TEP1: variants seen among roughly 807,000 people sequenced by gnomAD.
The protein encoded by TEP1 is telomerase associated protein 1, also known as telomerase protein component 1.
A neutral mutation model predicts 306.3 loss-of-function variants in TEP1; 241 were observed. The ratio of observed to expected loss-of-function variants is 0.79; its 90% confidence interval spans 0.71 to 0.88. The LOEUF is 0.88. TEP1 is among the 40% of genes least tolerant of loss of function. TEP1 has a pLI of 0.00. For synonymous variants in TEP1, 1,289 were observed against 1,305.5 expected (o/e 0.99, Z 0.27); for missense variants, 3,051 against 3,276.1 (o/e 0.93, Z 1.68).
At chr14:20,410,018 CTCAAAAAAAAAAAAA>C (rs1879520614) in intron 1 of TEP1, among the ~76,000 whole-genome samples, 1 of 28,262 alleles carries the variant, frequency 3.5e-5, no homozygotes, top group Non-Finnish European at 5.9e-5. Flanking sequence ...AAGACTCTGT[CTCAAAAAAAAAAAAA>C]AAAAAAAAAA....
In TEP1 at chr14:20,379,080, C is replaced by T. The variant is rs746025487; in HGVS notation, c.5153G>A (p.Cys1718Tyr). The T allele has an allele frequency of 1.3e-5, 21 of 1,614,174 alleles. No individual in the cohort carries two copies. In the South Asian group the frequency reaches 2.3e-4, roughly 18 times the overall value. ...GAACAAACAAGCAGAGATTCCATCA[C>T]AGCCACTCACCACAGACTTCTCCTC... ...WQEEKSVVSG[C>Y]DGISACLFLS... Residue 1718 changes from cysteine (C) to tyrosine (Y), a missense_variant, in exon 36 of 55, where the codon TGT becomes TAT. By Grantham distance (194) the Cys-to-Tyr change is radical. This residue lies in a region of TEP1 where 1,540 missense variants were observed against 1,705.9 expected (regional missense o/e 0.90). Transcript: ENST00000262715.
rs1876767684 is a variant in TEP1 at position 20,383,335 on chromosome 14, T to C, written c.3886A>G (p.Ser1296Gly). The change falls in exon 27 of 55, where the codon AGT (serine) becomes GGT (glycine). Residue 1296 changes from serine (S) to glycine (G), a missense_variant. Around this residue, in one of 3 missense-constraint regions of TEP1, gnomAD observed 1,540 missense variants for 1,705.9 expected, o/e 0.90. Transcript: ENST00000262715. ...KLPRCVHLVLSVSSDAGLGET... is the reference protein window; with the variant it reads ...KLPRCVHLVLGVSSDAGLGET... ...CCTAGGCCTGCATCACTAGACACACTCAGCACCAGGTGTACACACTGTGAT... is the reference window on the plus strand; with the variant it reads ...CCTAGGCCTGCATCACTAGACACACCCAGCACCAGGTGTACACACTGTGAT... 2 of 1,607,456 alleles carry C rather than the reference T, an allele frequency of 1.2e-6. No individual in the cohort carries two copies. The highest frequency in any genetic ancestry group is 3.4e-5 in the Admixed American group (2 of 59,006).
Position 20,381,484 on chromosome 14 carries a change from A to T in TEP1, c.4558+69T>A. ...TGAGCTGGCCAGCAGATGGGAGCAC[A>T]GTGGGTGGTCCTGGCCTCCAGGCCC... On this transcript the variant is annotated intron_variant, in intron 31 of 54. Coordinates refer to ENST00000262715, the MANE Select transcript of TEP1 (RefSeq NM_007110.5). The surrounding 1 kb of genome is among the most constrained non-coding windows in gnomAD (Gnocchi z 4.0). 1 of 1,612,668 alleles carries T rather than the reference A, an allele frequency of 6.2e-7. No individual in the cohort carries two copies. The highest frequency in any genetic ancestry group is 8.5e-7 in the Non-Finnish European group (1 of 1,179,830).
chr14:20,381,445 C>G lies in TEP1; in HGVS notation c.4559-44G>C. ...AGAAAGGCTCAGCCCTGCATCATTCCCAAGGGCAGTAGGTGAGCTGGCCAG... is the reference window on the plus strand; with the variant it reads ...AGAAAGGCTCAGCCCTGCATCATTCGCAAGGGCAGTAGGTGAGCTGGCCAG... On this transcript the variant is annotated intron_variant, in intron 31 of 54. Transcript: ENST00000262715. The surrounding 1 kb of genome is among the most constrained non-coding windows in gnomAD (Gnocchi z 4.0). The G allele has an allele frequency of 6.2e-7, 1 of 1,613,180 alleles. No individual in the cohort carries two copies. The highest frequency in any genetic ancestry group is 8.5e-7 in the Non-Finnish European group (1 of 1,179,758).
At chr14:20,403,108 G>A (rs1372759560) in intron 7 of TEP1, among the ~76,000 whole-genome samples, 3 of 138,268 alleles carry the variant, frequency 2.2e-5, no homozygotes, top group African/African-American at 8.2e-5. Flanking sequence ...AGTGAGCCAA[G>A]ACCGTGCCAC....
intron 43 of TEP1, 69 bp from the exon 44 acceptor site, chr14:20,374,605 T>C (rs1885063924): frequency 1.7e-6 from 2 of 1,202,054 alleles, no homozygotes; most frequent in African/African-American, 1.5e-5. Flanking sequence ...ATCTGTAGTG[T>C]AGGGTGGAAG....
intron 1 of TEP1, among the ~76,000 whole-genome samples, chr14:20,410,884 C>A (rs1879635711): frequency 6.9e-6 from 1 of 145,598 alleles, no homozygotes; most frequent in South Asian, 2.2e-4. Context: ...TGCAGTCGCA[C>A]AGTCTCAGCT....
chr14:20,374,363 A>T, intron 44 of TEP1, 66 bp downstream of exon 44: 1 of 1,127,786 alleles, frequency 8.9e-7, no homozygotes, highest in South Asian at 1.4e-5. Flanking sequence ...TACTCCATGC[A>T]CCGTCTCCCA....
intron 35 of TEP1, 140 bp from the exon 36 acceptor site, chr14:20,379,245 C>T (rs1294799199): frequency 5.2e-6 from 6 of 1,150,222 alleles, no homozygotes; most frequent in South Asian, 3.1e-5. Context: ...GTCAAGCACA[C>T]GTTCAAGTGG....
In TEP1 at chr14:20,373,308, T is replaced by C. The variant is rs753141989; in HGVS notation, c.6776A>G (p.Asp2259Gly). ...AACCTGCCAGAGCCGTACAGAACCA[T>C]CCTCAGAGGCGGTCAGCATGAGGCC... ...TSGLMLTASE[D>G]GSVRLWQVPK... The change falls in exon 47 of 55, where the codon GAT becomes GGT. Residue 2259 changes from aspartate to glycine, a missense_variant. Physicochemically the swap from Asp to Gly is moderately conservative, Grantham distance 94. Coordinates refer to ENST00000262715, the MANE Select transcript of TEP1 (RefSeq NM_007110.5). The C allele has an allele frequency of 1.7e-5, 27 of 1,613,970 alleles. No individual in the cohort carries two copies. Among genetic ancestry groups the C allele is most frequent in the Non-Finnish European group, 1.8e-5 (21 of 1,180,036 alleles).
rs1884517487 is a variant in TEP1 at position 20,367,183 on chromosome 14, G to T, written c.*1254C>A. On this transcript the variant is annotated 3_prime_UTR_variant, in exon 55 of 55. Coordinates refer to ENST00000262715, the MANE Select transcript of TEP1 (RefSeq NM_007110.5). ...GTTTGAGACCCACCTGGCCAACATG[G>T]TGAAACTTCGTCTCTACTGAAATAC... The T allele has an allele frequency of 6.6e-6, 1 of 152,192 alleles. No homozygotes were observed. Among genetic ancestry groups the T allele is most frequent in the Admixed American group, 6.5e-5 (1 of 15,268 alleles). The allele number at this position is 152,192 out of a possible 1,614,324, so 9.4% of individuals were successfully genotyped here. A position where few individuals can be genotyped will look rare whatever the true frequency, so the allele number is the denominator to read the frequency against.
intron 17 of TEP1, 33 bp from the exon 18 acceptor site, chr14:20,388,096 A>C: frequency 6.2e-7 from 1 of 1,611,682 alleles, no homozygotes; most frequent in South Asian, 1.1e-5. Context: ...TGAGAGTAGA[A>C]TACCACAGGT....
At position 20,406,265 on chromosome 14, in the gene TEP1, C is replaced by A; in HGVS notation, c.703G>T (p.Glu235Ter). Residue 235 changes from glutamate (E) to a stop codon, truncating the protein, a stop_gained, in exon 3 of 55, where the codon GAG becomes TAG. Transcript: ENST00000262715. LOFTEE classifies it high-confidence loss of function. Reference protein sequence around the residue: ...LTSGDSESHPEPTDHVLQEKK... With the variant: ...LTSGDSESHP ...TCCTGAAGGACATGGTCAGTAGGCT[C>A]TGGATGAGATTCAGAGTCTCCAGAG... is the stretch of plus-strand genomic sequence containing the variant. 1 of 1,614,086 alleles carries A rather than the reference C, an allele frequency of 6.2e-7. No homozygotes were observed. The highest frequency in any genetic ancestry group is 8.5e-7 in the Non-Finnish European group (1 of 1,180,030).
Position 20,386,582 on chromosome 14 carries a change from T to C in TEP1, c.2726A>G (p.Asp909Gly). ...IRLFISSTFR[D>G]MHGERDLLLR... Reference sequence around the variant, plus strand: ...CAGCAGGTCCCGCTCCCCATGCATGTCTCGGAAAGTGGATGAAATGAAAAG... The same window carrying C: ...CAGCAGGTCCCGCTCCCCATGCATGCCTCGGAAAGTGGATGAAATGAAAAG... The change falls in exon 19 of 55, where the codon GAC (aspartate) becomes GGC (glycine). Residue 909 changes from aspartate (D) to glycine (G), a missense_variant. Asp to Gly is a moderately conservative substitution (Grantham distance 94, BLOSUM62 -1). Around this residue, in one of 3 missense-constraint regions of TEP1, gnomAD observed 1,507 missense variants for 1,550.5 expected, o/e 0.97. Transcript: ENST00000262715. The C allele has an allele frequency of 6.2e-7, 1 of 1,607,368 alleles. No homozygotes were observed. The highest frequency in any genetic ancestry group is 8.5e-7 in the Non-Finnish European group (1 of 1,175,512).
At chr14:20,369,854 G>T in intron 51 of TEP1, 75 bp from the exon 52 acceptor site, 3 of 1,189,428 alleles carry the variant, frequency 2.5e-6, no homozygotes, top group Non-Finnish European at 3.6e-6. Context: ...ACAGTTTTCT[G>T]CTCTGGGCTG....
At chr14:20,393,582 G>A (rs1877921028) in intron 12 of TEP1, among the ~76,000 whole-genome samples, 1 of 151,998 alleles carries the variant, frequency 6.6e-6, no homozygotes, top group Non-Finnish European at 1.5e-5. Flanking sequence ...ACTTGAGGTT[G>A]GGAGTTTGAG....
rs1158410906 is a variant in TEP1, at chr14:20,403,542, A to C, written c.1195-94T>G. ...CCCTGAAGGTGCATCTCTACCAAAA[A>C]GGAAGCCAACTAGAAAAGAAGACTG... On this transcript the variant is annotated intron_variant, in intron 6 of 54. Coordinates refer to ENST00000262715, the MANE Select transcript of TEP1 (RefSeq NM_007110.5). 18 of 1,595,046 alleles carry C rather than the reference A, an allele frequency of 1.1e-5. No homozygotes were observed. The African/African-American group carries it at 2.0e-4, about 18-fold the overall frequency.
At chr14:20,386,933 G>A (rs1390275996) in intron 18 of TEP1, among the ~76,000 whole-genome samples, 1 of 151,614 alleles carries the variant, frequency 6.6e-6, no homozygotes, top group African/African-American at 2.4e-5. Flanking sequence ...ATCAAGAAAC[G>A]ATAACTTTTT....
chr14:20,386,307 A>G, intron 19 of TEP1, 112 bp from the exon 20 acceptor site: 1 of 1,592,534 alleles, frequency 6.3e-7, no homozygotes, highest in Non-Finnish European at 8.5e-7. Context: ...AAGAAAAGGT[A>G]GGCTGCTCTT....
Sources: gnomAD v4.1 joint callset for allele counts (sites outside exome capture counted in the v4.1 genomes callset) on GRCh38, gnomAD v4.1.1 for gene constraint, gnomAD v4.1.1 regional missense constraint, Gnocchi (gnomAD v3.1) non-coding constraint, MANE v1.5 for transcripts, NCBI Gene and HGNC (gene_info 2026-07-23, HGNC 2026-07-21) for gene names.